Variants in SLC7A5 observed in about 807,000 individuals in gnomAD.
SLC7A5 encodes large neutral amino acids transporter small subunit 1.
In SLC7A5, 23 loss-of-function variants were observed where a neutral mutation model predicts 50.2. The ratio of observed to expected loss-of-function variants is 0.46; its 90% CI spans 0.33 to 0.65. The LOEUF (loss-of-function observed/expected upper bound fraction) is 0.65. Among genes scored for constraint, SLC7A5 ranks in the 30% least tolerant of loss-of-function variants. The probability of loss-of-function intolerance (pLI) is 0.02; values close to 1 mark genes in which losing one functional copy is unlikely to be tolerated. For synonymous variants in SLC7A5, 393 were observed against 330.6 expected, an observed-to-expected ratio of 1.19 and a Z score of -2.05; for missense variants, 578 against 684.4, an observed-to-expected ratio of 0.84 and a Z score of 1.73.
chr16:87,851,872 T>C (rs2055229759), intron 1 of SLC7A5, 23 bp from the exon 2 acceptor site: 1 of 1,612,130 alleles, frequency 6.2e-7, no homozygotes, highest in African/African-American at 1.3e-5. Flanking sequence ...AGGGCAGCGG[T>C]GAGTTCCACG....
chr16:87,849,392 T>C (rs1014007769), intron 2 of SLC7A5, among the ~76,000 whole-genome samples: 1 of 152,068 alleles, frequency 6.6e-6, no homozygotes, highest in African/African-American at 2.4e-5. Context: ...CAGAAGGGAA[T>C]TGCTGGGGGG....
At chr16:87,836,072 G>C (rs1196836545) in intron 8 of SLC7A5, among the ~76,000 whole-genome samples, 2 of 152,242 alleles carry the variant, frequency 1.3e-5, no homozygotes, top group Non-Finnish European at 2.9e-5. Flanking sequence ...GCTGGGGACG[G>C]GGAGAGTCCA....
intron 7 of SLC7A5, 41 bp downstream of exon 7, chr16:87,837,804 C>T (rs1270768400): frequency 1.3e-6 from 2 of 1,527,442 alleles, no homozygotes; most frequent in East Asian, 2.3e-5. Flanking sequence ...CCCCGGACAA[C>T]CCCCAGGGAT....
chr16:87,834,212 G>C (rs1426893265), intron 9 of SLC7A5, among the ~76,000 whole-genome samples: 1 of 152,198 alleles, frequency 6.6e-6, no homozygotes, highest in African/African-American at 2.4e-5. Flanking sequence ...CCCTCGTCCT[G>C]AGAGATTAGC....
rs2054962756 is a variant in SLC7A5 at position 87,833,853 on chromosome 16, C to T, written c.1468+561G>A. On this transcript the variant is annotated intron_variant, in intron 9 of 9. Transcript: ENST00000261622. This position sits in a 1 kb window ranked among gnomAD's most constrained non-coding sequence, Gnocchi z 6.0. ...AGGGCCGGGGGGCGGGTTTCTCCTT[C>T]TGCCTTTTTTTTTTTTTTTGAGAAG... Among the ~76,000 whole-genome samples the T allele has an allele frequency of 7.4e-6, 1 of 134,978 alleles. No homozygotes were observed. The highest frequency in any genetic ancestry group is 1.5e-5 in the Non-Finnish European group (1 of 65,874). 88.6% of individuals were successfully genotyped at this position (134,978 alleles called of 152,430 possible). A position where few individuals can be genotyped will look rare whatever the true frequency, so the allele number is the denominator to read the frequency against.
intron 1 of SLC7A5, chr16:87,863,628 G>A (rs534988732): frequency 4.6e-5 from 7 of 152,058 alleles, no homozygotes; most frequent in Admixed American, 1.3e-4. Flanking sequence ...ACGAAGACAC[G>A]CGTGAAAGGA....
intron 1 of SLC7A5, among the ~76,000 whole-genome samples, chr16:87,858,527 T>G (rs573657346): frequency 4.5e-4 from 68 of 152,248 alleles, no homozygotes; most frequent in Middle Eastern, 3.4e-3. Flanking sequence ...GAAGGACACT[T>G]GTGGCAGCCA....
In SLC7A5 at chr16:87,832,832, C is replaced by A. The variant is rs958404320; in HGVS notation, c.*138G>T. Reference sequence around the variant, plus strand: ...AGAGTTTTCACAGCAGCCTCCACTGCCCGACCTGGGAGGGACGGCGAGGGA... The same window carrying A: ...AGAGTTTTCACAGCAGCCTCCACTGACCGACCTGGGAGGGACGGCGAGGGA... On this transcript the variant is annotated 3_prime_UTR_variant, in exon 10 of 10. Coordinates refer to ENST00000261622, the MANE Select transcript of SLC7A5 (RefSeq NM_003486.7). This position sits in a 1 kb window ranked among gnomAD's most constrained non-coding sequence, Gnocchi z 4.6. 2 of 749,708 alleles carry A rather than the reference C, an allele frequency of 2.7e-6. No individual in the cohort carries two copies. The highest frequency in any genetic ancestry group is 2.4e-6 in the Non-Finnish European group (1 of 412,948). 46.4% of individuals were successfully genotyped at this position (749,708 alleles called of 1,614,324 possible).
At chr16:87,866,553 C>T (rs1319946962) in intron 1 of SLC7A5, among the ~76,000 whole-genome samples, 3 of 152,110 alleles carry the variant, frequency 2.0e-5, no homozygotes, top group Non-Finnish European at 2.9e-5. Context: ...GCAACCTCCA[C>T]CTCCTGGGTT....
In SLC7A5 at chr16:87,853,106, T is replaced by C. The variant is rs796739524; in HGVS notation, c.539-1257A>G. Among the ~76,000 whole-genome samples, 5 of 144,618 alleles carry C rather than the reference T, an allele frequency of 3.5e-5. No individual in the cohort carries two copies. The highest frequency in any genetic ancestry group is 1.4e-4 in the African/African-American group (5 of 34,544). The allele number at this position is 144,618 out of a possible 152,430, so 94.9% of individuals were successfully genotyped here. ...GCATCAGAAAGGCCGTGGGCTCCTCTTCTCTCTTTCCCCTTGGGAGTAACG... is the reference window on the plus strand; with the variant it reads ...GCATCAGAAAGGCCGTGGGCTCCTCCTCTCTCTTTCCCCTTGGGAGTAACG... On this transcript the variant is annotated intron_variant, in intron 1 of 9. Coordinates refer to ENST00000261622, the MANE Select transcript of SLC7A5 (RefSeq NM_003486.7). The surrounding 1 kb of genome is among the most constrained non-coding windows in gnomAD (Gnocchi z 4.4).
intron 3 of SLC7A5, 27 bp from the exon 4 acceptor site, chr16:87,840,500 TTATATG>T: frequency 6.4e-7 from 1 of 1,560,974 alleles, no homozygotes; most frequent in East Asian, 2.2e-5. Flanking sequence ...AGCGTTCAAA[TTATATG>T]ATCCTCATCA....
chr16:87,856,661 C>T (rs527674320), intron 1 of SLC7A5, among the ~76,000 whole-genome samples: 60 of 152,348 alleles, frequency 3.9e-4, no homozygotes, highest in Non-Finnish European at 6.3e-4. Flanking sequence ...CCACTCGGTA[C>T]GCACAGGGCC....
In SLC7A5 at chr16:87,852,665, T is replaced by C. The variant is rs1025656487; in HGVS notation, c.539-816A>G. ...GTGTGTGTGTGTGTGTGTGTGTGTGTGTGTGTGTGTGTGTGTGTGTGTTGG... is the reference window on the plus strand; with the variant it reads ...GTGTGTGTGTGTGTGTGTGTGTGTGCGTGTGTGTGTGTGTGTGTGTGTTGG... On this transcript the variant is annotated intron_variant, in intron 1 of 9. Transcript: ENST00000261622. The surrounding 1 kb of genome is among the most constrained non-coding windows in gnomAD (Gnocchi z 4.5). Among the ~76,000 whole-genome samples the C allele has an allele frequency of 6.7e-6, 1 of 149,718 alleles. No homozygotes were observed. Among genetic ancestry groups the C allele is most frequent in the Non-Finnish European group, 1.5e-5 (1 of 67,470 alleles).
At chr16:87,846,917 C>G (rs1212445001) in intron 2 of SLC7A5, among the ~76,000 whole-genome samples, 1 of 152,188 alleles carries the variant, frequency 6.6e-6, no homozygotes, top group Non-Finnish European at 1.5e-5. Context: ...GAGGACAGCC[C>G]ATTTCCCAGG....
intron 2 of SLC7A5, among the ~76,000 whole-genome samples, chr16:87,845,727 C>T (rs564879816): frequency 6.6e-6 from 1 of 152,296 alleles, no homozygotes; most frequent in African/African-American, 2.4e-5. Flanking sequence ...GGAGTGGGCC[C>T]TTTGCTTAGA....
intron 1 of SLC7A5, 79 bp downstream of exon 1, chr16:87,868,806 G>A (rs2055495315): frequency 1.4e-6 from 2 of 1,390,452 alleles, no homozygotes; most frequent in South Asian, 1.2e-5. Flanking sequence ...AGATGTGGGA[G>A]CCAGGGGCGT....
At chr16:87,855,716 TGGA>T (rs780982904) in intron 1 of SLC7A5, among the ~76,000 whole-genome samples, 73 of 151,762 alleles carry the variant, frequency 4.8e-4, no homozygotes, top group Non-Finnish European at 8.1e-4. Flanking sequence ...GGTCCAGTGT[TGGA>T]GGAGAGGGGT....
intron 8 of SLC7A5, among the ~76,000 whole-genome samples, chr16:87,835,974 G>T (rs2054997905): frequency 6.6e-6 from 1 of 152,194 alleles, no homozygotes; most frequent in Non-Finnish European, 1.5e-5. Flanking sequence ...GGACTTGCTG[G>T]GCCCCAGGCA....
chr16:87,846,960 G>A (rs1419646889), intron 2 of SLC7A5, among the ~76,000 whole-genome samples: 1 of 152,160 alleles, frequency 6.6e-6, no homozygotes, highest in African/African-American at 2.4e-5. Flanking sequence ...CCCTGGCCGG[G>A]GGGCGGCAAA....
Sources: gnomAD v4.1 joint callset for allele counts (sites outside exome capture counted in the v4.1 genomes callset) on GRCh38, gnomAD v4.1.1 for gene constraint, Gnocchi (gnomAD v3.1) non-coding constraint, MANE v1.5 for transcripts, NCBI Gene and HGNC (gene_info 2026-07-23, HGNC 2026-07-21) for gene names.